The following ZMYND12 variants were observed in gnomAD, a reference collection of about 807,000 sequenced individuals.
ZMYND12 encodes zinc finger MYND domain-containing protein 12.
ZMYND12 carries 32 observed loss-of-function variants against 41.7 expected under a neutral mutation model. The ratio of observed to expected loss-of-function variants is 0.77; its 90% CI spans 0.58 to 1.03. ZMYND12 has a LOEUF of 1.03. Ranked by LOEUF, ZMYND12 falls within the 50% of genes least tolerant of loss-of-function variation. ZMYND12 has a pLI of 0.00. For synonymous variants in ZMYND12, 148 were observed against 164.8 expected (o/e 0.90, Z 0.78); for missense variants, 424 against 438.5 (o/e 0.97, Z 0.30).
intron 3 of ZMYND12, among the ~76,000 whole-genome samples, chr1:42,441,484 T>C (rs1349338127): frequency 6.6e-6 from 1 of 152,222 alleles, no homozygotes; most frequent in African/African-American, 2.4e-5. Context: ...CTTTAAATCA[T>C]CTCTAAATTA....
intron 4 of ZMYND12, among the ~76,000 whole-genome samples, chr1:42,437,440 CTG>C (rs113850227): frequency 0.2 from 28,799 of 144,262 alleles, 2,990 homozygotes; most frequent in East Asian, 0.4. Context: ...CAATAAAGCT[CTG>C]TGTGTGTGTG....
chr1:42,442,552 T>C (rs1308881165), intron 3 of ZMYND12, among the ~76,000 whole-genome samples: 3 of 152,124 alleles, frequency 2.0e-5, no homozygotes, highest in African/African-American at 7.2e-5. Flanking sequence ...CAGAACAGAA[T>C]AGAAAGCCAC....
intron 6 of ZMYND12, among the ~76,000 whole-genome samples, chr1:42,434,110 T>C (rs1437897236): frequency 6.6e-6 from 1 of 152,236 alleles, no homozygotes; most frequent in Non-Finnish European, 1.5e-5. Context: ...CTGGGACTCA[T>C]CTTGTAACAT....
intron 3 of ZMYND12, among the ~76,000 whole-genome samples, chr1:42,446,002 G>T (rs2148408678): frequency 6.6e-6 from 1 of 152,300 alleles, no homozygotes; most frequent in East Asian, 1.9e-4. Flanking sequence ...AGACAGTCTG[G>T]AATGGGGTGT....
intron 3 of ZMYND12, among the ~76,000 whole-genome samples, chr1:42,442,724 T>G (rs964710245): frequency 3.3e-5 from 5 of 152,140 alleles, no homozygotes. Context: ...TCAGACCTAG[T>G]TCATATGTAA....
chr1:42,455,252 T>C (rs996136955), intron 1 of ZMYND12, among the ~76,000 whole-genome samples: 8 of 152,146 alleles, frequency 5.3e-5, no homozygotes, highest in African/African-American at 1.9e-4. Flanking sequence ...AGCTCAAATG[T>C]TTCTTCCACA....
At chr1:42,448,816 G>C (rs1293663114) in intron 2 of ZMYND12, among the ~76,000 whole-genome samples, 178 bp from the exon 3 acceptor site, 3 of 152,166 alleles carry the variant, frequency 2.0e-5, no homozygotes, top group Non-Finnish European at 4.4e-5. Flanking sequence ...GCAAACTCTG[G>C]ACTATGAGTT....
intron 1 of ZMYND12, among the ~76,000 whole-genome samples, chr1:42,453,617 C>A (rs1643109847): frequency 1.3e-5 from 2 of 152,224 alleles, no homozygotes; most frequent in African/African-American, 4.8e-5. Flanking sequence ...GAAGGAATTA[C>A]TTCCGGCTGG....
chr1:42,446,904 G>C (rs1223452213), intron 3 of ZMYND12, among the ~76,000 whole-genome samples: 2 of 152,302 alleles, frequency 1.3e-5, no homozygotes, highest in South Asian at 4.1e-4. Context: ...AAATGGGGTT[G>C]TATCTGGGAG....
At chr1:42,437,296 A>T (rs150552265) in intron 4 of ZMYND12, among the ~76,000 whole-genome samples, 203 of 152,316 alleles carry the variant, frequency 1.3e-3, no homozygotes, top group Admixed American at 2.6e-3. Context: ...ATGACTGCGC[A>T]TGGATACAAG....
rs148557633 is a variant in ZMYND12 at position 42,452,667 on chromosome 1, C to T, written c.111-2608G>A. Among the ~76,000 whole-genome samples, 55 of 152,116 alleles carry T rather than the reference C, an allele frequency of 3.6e-4. No homozygotes were observed. The East Asian group carries it at 5.0e-3, about 14-fold the overall frequency. On this transcript the variant is annotated intron_variant, in intron 1 of 7. Transcript: ENST00000372565. The stretch of plus-strand genomic sequence containing the variant: ...GCAGTGAGCCAAGATGGTGCCACTG[C>T]GCTCCAGCCTGGGTGACAGAGCAAG...
At chr1:42,431,617 T>G (rs1045672959) in intron 7 of ZMYND12, among the ~76,000 whole-genome samples, 2 of 152,150 alleles carry the variant, frequency 1.3e-5, no homozygotes, top group African/African-American at 4.8e-5. Flanking sequence ...GATGTGTGCC[T>G]TTTGTCTAAG....
chr1:42,443,844 C>T (rs1004834642), intron 3 of ZMYND12, among the ~76,000 whole-genome samples: 7 of 152,116 alleles, frequency 4.6e-5, no homozygotes, highest in African/African-American at 1.4e-4. Context: ...CTCCAAGAAG[C>T]TTAAAATCAA....
At position 42,449,922 on chromosome 1, in the gene ZMYND12, C is replaced by G. The variant is rs758624632; in HGVS notation, c.248G>C (p.Arg83Pro). The G allele has an allele frequency of 6.2e-7, 1 of 1,611,308 alleles. No homozygotes were observed. The highest frequency in any genetic ancestry group is 8.5e-7 in the Non-Finnish European group (1 of 1,179,984). The stretch of plus-strand genomic sequence containing the variant: ...GGAAAGTGCCGTAGGCCCTACCTGC[C>G]GCTGCTGCAGCTGCTGCAGGCCATG... ...RQHGLQQLQQ[R>P]QKYLIEFCYT... Residue 83 changes from arginine to proline, a missense_variant, in exon 2 of 8, where the codon CGG becomes CCG. Physicochemically the swap from Arg to Pro is moderately radical, Grantham distance 103. Transcript: ENST00000372565.
At chr1:42,437,687 AT>A (rs896770235) in intron 4 of ZMYND12, among the ~76,000 whole-genome samples, 49 of 106,230 alleles carry the variant, frequency 4.6e-4, no homozygotes, top group Admixed American at 2.7e-4. Flanking sequence ...TAATTTTCAT[AT>A]TTTTTTTTTT....
chr1:42,433,193 C>G lies in ZMYND12; in HGVS notation c.925G>C (p.Val309Leu). ...TAAAACATGACCAGGATCTTCAGAACAAAGATGGTTTTTTGGGGGGCTTTG... is the reference window on the plus strand; with the variant it reads ...TAAAACATGACCAGGATCTTCAGAAGAAAGATGGTTTTTTGGGGGGCTTTG... Reference protein sequence around the residue: ...SDKAPQKTIFVLKILVMFYYL... With the variant: ...SDKAPQKTIFLLKILVMFYYL... The change falls in exon 7 of 8, where the codon GTT becomes CTT. Residue 309 changes from valine (V) to leucine (L), a missense_variant. Transcript: ENST00000372565. 2 of 1,612,080 alleles carry G rather than the reference C, an allele frequency of 1.2e-6. No homozygotes were observed. Among genetic ancestry groups the G allele is most frequent in the Non-Finnish European group, 1.7e-6 (2 of 1,179,198 alleles).
intron 3 of ZMYND12, among the ~76,000 whole-genome samples, chr1:42,442,903 G>A (rs1370706285): frequency 2.6e-5 from 4 of 152,104 alleles, no homozygotes; most frequent in African/African-American, 7.2e-5. Context: ...CCCTGATCCT[G>A]GCTCATGTGA....
chr1:42,439,991 T>C lies in ZMYND12; in HGVS notation c.459A>G (p.Leu153=), dbSNP rs369748503. The change falls in exon 4 of 8, where the codon CTA becomes CTG. Residue 153 remains leucine, a synonymous_variant. Coordinates refer to ENST00000372565, the MANE Select transcript of ZMYND12 (RefSeq NM_032257.5). ...LGRIVQAEEY[L]FQAQWTVLKS... is the part of the protein sequence containing the mutation. ...TGAGGACTGTCCACTGGGCTTGGAA[T>C]AGATATTCTTCAGCCTGAACGATTC... The C allele has an allele frequency of 7.4e-6, 12 of 1,613,048 alleles. No homozygotes were observed. The highest frequency in any genetic ancestry group is 1.0e-5 in the Non-Finnish European group (12 of 1,179,776).
rs562574666 is a variant in ZMYND12 at position 42,443,634 on chromosome 1, T to G, written c.425-3609A>C. On this transcript the variant is annotated intron_variant, in intron 3 of 7. Coordinates refer to ENST00000372565, the MANE Select transcript of ZMYND12 (RefSeq NM_032257.5). ...AGGGAATCTGTATTTATTGAAGACC[T>G]GTTATTTGCCCAACATTGTGCTAGT... Among the ~76,000 whole-genome samples, 6 of 152,300 alleles carry G rather than the reference T, an allele frequency of 3.9e-5. No homozygotes were observed. In the South Asian group the frequency reaches 1.2e-3, roughly 32 times the overall value.
Sources: gnomAD v4.1 joint callset for allele counts (sites outside exome capture counted in the v4.1 genomes callset) on GRCh38, gnomAD v4.1.1 for gene constraint, MANE v1.5 for transcripts, NCBI Gene and HGNC (gene_info 2026-07-23, HGNC 2026-07-21) for gene names.